The following SGCD variants were observed in gnomAD, a reference collection of about 807,000 sequenced individuals.
SGCD encodes the protein sarcoglycan delta.
Under a neutral mutation model 36.6 loss-of-function variants are expected in SGCD, and 18 were observed. That is an observed-to-expected ratio of 0.49 (90% CI 0.34 to 0.73). The LOEUF (loss-of-function observed/expected upper bound fraction) is 0.73, where lower values mean the gene tolerates loss of function less well. SGCD is among the 30% of genes least tolerant of loss of function. The pLI is 0.01. For missense variants in SGCD, 387 were observed against 346.7 expected (o/e 1.12, Z -0.92); for synonymous variants, 133 against 130.6 (o/e 1.02, Z -0.12).
intron 3 of SGCD, among the ~76,000 whole-genome samples, chr5:156,315,195 A>C (rs1381953231): frequency 6.6e-6 from 1 of 151,520 alleles, no homozygotes. Flanking sequence ...TCTTTCACCA[A>C]TATCTCTCCT....
At chr5:155,965,630 T>C (rs1816399) in intron 1 of SGCD, among the ~76,000 whole-genome samples, 52,609 of 151,940 alleles carry the variant, frequency 0.35, 9,418 homozygotes, top group African/African-American at 0.44. Flanking sequence ...TGAGTGCAGT[T>C]ACTCCCTGGT....
intron 4 of SGCD, among the ~76,000 whole-genome samples, chr5:156,555,237 A>T (rs1052933883): frequency 6.6e-6 from 1 of 152,062 alleles, no homozygotes; most frequent in Non-Finnish European, 1.5e-5. Context: ...AGTCCAATTT[A>T]TCTACTTTTT....
chr5:156,114,198 T>C (rs746522811), intron 1 of SGCD, among the ~76,000 whole-genome samples: 2 of 152,096 alleles, frequency 1.3e-5, no homozygotes, highest in African/African-American at 2.4e-5. Flanking sequence ...TTGTAAGAAA[T>C]GTAGCACGCC....
chr5:156,038,578 CA>C (rs1317161908), intron 1 of SGCD, among the ~76,000 whole-genome samples: 1 of 146,972 alleles, frequency 6.8e-6, no homozygotes, highest in African/African-American at 2.7e-5. Context: ...AAAATTATTT[CA>C]AAATAAAAAG....
intron 1 of SGCD, among the ~76,000 whole-genome samples, chr5:156,083,270 A>G (rs1761006728): frequency 6.7e-6 from 1 of 149,220 alleles, no homozygotes; most frequent in Non-Finnish European, 1.5e-5. Flanking sequence ...TTAAATTTTG[A>G]TGACATTAAA....
intron 1 of SGCD, among the ~76,000 whole-genome samples, chr5:156,070,967 C>T (rs1273008553): frequency 2.6e-5 from 4 of 152,138 alleles, no homozygotes; most frequent in Non-Finnish European, 5.9e-5. Flanking sequence ...TCTGTGGGAT[C>T]AGTGTTGATA....
At chr5:155,960,457 C>A (rs1757770366) in intron 1 of SGCD, among the ~76,000 whole-genome samples, 2 of 152,056 alleles carry the variant, frequency 1.3e-5, no homozygotes, top group Non-Finnish European at 2.9e-5. Context: ...GTATCTTTCT[C>A]CTAGCCTGGT....
At chr5:156,563,559 A>G (rs1348463627) in intron 4 of SGCD, among the ~76,000 whole-genome samples, 1 of 152,334 alleles carries the variant, frequency 6.6e-6, no homozygotes, top group East Asian at 1.9e-4. Context: ...CCCCAAAGAT[A>G]GTTCTTACTG....
At chr5:156,502,631 G>A (rs1756508767) in intron 3 of SGCD, among the ~76,000 whole-genome samples, 1 of 152,056 alleles carries the variant, frequency 6.6e-6, no homozygotes, top group African/African-American at 2.4e-5. Context: ...CATCAGTCCT[G>A]GTCCAATTCT....
At chr5:156,452,168 C>T (rs1754050374) in intron 3 of SGCD, among the ~76,000 whole-genome samples, 1 of 152,132 alleles carries the variant, frequency 6.6e-6, no homozygotes, top group Admixed American at 6.6e-5. Flanking sequence ...GCTTCAGCTG[C>T]ATTTCCACTG....
At chr5:156,491,349 A>G (rs1224812863) in intron 3 of SGCD, among the ~76,000 whole-genome samples, 1 of 152,120 alleles carries the variant, frequency 6.6e-6, no homozygotes, top group Non-Finnish European at 1.5e-5. Context: ...CAGTCTCAAC[A>G]TTTGTGTGTA....
chr5:155,982,835 G>A (rs1318628243), intron 1 of SGCD, among the ~76,000 whole-genome samples: 1 of 152,114 alleles, frequency 6.6e-6, no homozygotes, highest in African/African-American at 2.4e-5. Context: ...TATTTCAAAT[G>A]CCAGCATTTG....
At chr5:156,613,986 A>G (rs1761932569) in intron 6 of SGCD, among the ~76,000 whole-genome samples, 1 of 152,014 alleles carries the variant, frequency 6.6e-6, no homozygotes, top group Admixed American at 6.6e-5. Context: ...TTGCTGTGTC[A>G]TCCAGACTTG....
chr5:156,506,775 C>T (rs1335085559), intron 3 of SGCD, among the ~76,000 whole-genome samples: 1 of 152,108 alleles, frequency 6.6e-6, no homozygotes, highest in Non-Finnish European at 1.5e-5. Context: ...TGTTAGATAG[C>T]CAATTCAGTA....
chr5:155,868,195 G>A (rs1755558786), upstream of SGCD, among the ~76,000 whole-genome samples: 1 of 151,924 alleles, frequency 6.6e-6, no homozygotes, highest in Non-Finnish European at 1.5e-5. Context: ...GGGATTACAG[G>A]CATGTACCAT....
At chr5:155,905,166 C>A (rs181733329) in intron 1 of SGCD, among the ~76,000 whole-genome samples, 165 of 152,234 alleles carry the variant, frequency 1.1e-3, no homozygotes, top group Admixed American at 3.6e-3. Flanking sequence ...ATGCTGCAGA[C>A]CTGAGAATTC....
At chr5:156,494,701 C>A (rs1270548576) in intron 3 of SGCD, among the ~76,000 whole-genome samples, 1 of 152,132 alleles carries the variant, frequency 6.6e-6, no homozygotes, top group African/African-American at 2.4e-5. Flanking sequence ...GTGGTATCTT[C>A]TTCAAGATGC....
At chr5:156,234,136 T>C (rs1238257866) in intron 3 of SGCD, among the ~76,000 whole-genome samples, 3 of 152,180 alleles carry the variant, frequency 2.0e-5, no homozygotes, top group Non-Finnish European at 4.4e-5. Context: ...TGACATAAGA[T>C]GTGAAGCATG....
At chr5:156,526,885 G>A (rs756127690) in intron 4 of SGCD, among the ~76,000 whole-genome samples, 10 of 152,152 alleles carry the variant, frequency 6.6e-5, no homozygotes, top group South Asian at 2.1e-4. Context: ...TTGACTGTGC[G>A]TGCTTTTCTT....
Sources: allele counts gnomAD v4.1 joint callset (sites outside exome capture counted in the v4.1 genomes callset), GRCh38; gene constraint gnomAD v4.1.1; transcripts MANE v1.5; gene names NCBI Gene and HGNC (gene_info 2026-07-23, HGNC 2026-07-21).